Variants in CUX2 observed in about 807,000 individuals in gnomAD.
The protein encoded by CUX2 is homeobox protein cut-like 2.
A neutral mutation model predicts 144.8 loss-of-function variants in CUX2; 40 were observed. The ratio of observed to expected loss-of-function variants is 0.28; its 90% CI spans 0.21 to 0.36. The LOEUF is 0.36. Ranked by LOEUF, CUX2 falls within the 10% of genes least tolerant of loss-of-function variation. The pLI is 1.00. For missense variants in CUX2, 1,615 were observed against 1,994.0 expected (o/e 0.81, Z 3.62); for synonymous variants, 827 against 875.6 (o/e 0.94, Z 0.98).
In CUX2 at chr12:111,122,144, A is replaced by G. The variant is rs561650638; in HGVS notation, c.63+87904A>G. The stretch of plus-strand genomic sequence containing the variant: ...AAAAAGCCTTTCACGAGAACTCTTG[A>G]AAGCCTGATGCCTTTAATCCTCAAC... On this transcript the variant is annotated intron_variant, in intron 1 of 21. Transcript: ENST00000261726. Among the ~76,000 whole-genome samples, 2 of 152,294 alleles carry G rather than the reference A, an allele frequency of 1.3e-5. 1 individual carries two copies. The highest frequency in any genetic ancestry group is 4.2e-4 in the South Asian group (2 of 4,818).
rs576410068 is a variant in CUX2, at chr12:111,126,315, G to T, written c.64-87885G>T. On this transcript the variant is annotated intron_variant, in intron 1 of 21. Coordinates refer to ENST00000261726, the MANE Select transcript of CUX2 (RefSeq NM_015267.4). ...GTAGAGACGGGGTTTCACCATGTTG[G>T]CCAGTCTGGTCTCAAACTCCTGACC... 3.9e-5 allele frequency among the ~76,000 whole-genome samples: 6 copies of T among 152,156 alleles called. No individual in the cohort carries two copies. The South Asian group carries it at 1.2e-3, about 32-fold the overall frequency.
chr12:111,176,252 G>T (rs527828211), intron 1 of CUX2, among the ~76,000 whole-genome samples: 4 of 151,290 alleles, frequency 2.6e-5, no homozygotes, highest in East Asian at 1.9e-4. Context: ...TCACTATATT[G>T]CCCAGGCTGG....
intron 1 of CUX2, among the ~76,000 whole-genome samples, chr12:111,064,898 T>G (rs1052088230): frequency 6.6e-6 from 1 of 152,242 alleles, no homozygotes; most frequent in African/African-American, 2.4e-5. Flanking sequence ...CATACAGTAC[T>G]CAGTAAATAT....
chr12:111,268,349 C>T (rs1025170493), intron 4 of CUX2, among the ~76,000 whole-genome samples: 1 of 152,186 alleles, frequency 6.6e-6, no homozygotes, highest in Non-Finnish European at 1.5e-5. Flanking sequence ...CTCAGCCTCC[C>T]GAATGGCTGG....
chr12:111,253,361 C>T (rs1001681387), intron 3 of CUX2, among the ~76,000 whole-genome samples: 2 of 151,798 alleles, frequency 1.3e-5, no homozygotes, highest in African/African-American at 4.9e-5. Context: ...TCCCGCCACA[C>T]CAGCCTCTCT....
In CUX2 at chr12:111,257,557, C is replaced by T. The variant is rs569972491; in HGVS notation, c.223-6204C>T. Among the ~76,000 whole-genome samples the T allele has an allele frequency of 4.5e-4, 48 of 107,784 alleles. 1 individual carries two copies. The highest frequency in any genetic ancestry group is 1.7e-3 in the African/African-American group (47 of 27,004). 70.7% of individuals were successfully genotyped at this position (107,784 alleles called of 152,430 possible). ...CCTCTTTCCTCTTCCTCCTCCTCCC[C>T]TTCACTCTTCCTCCTCCTCCTCTTT... On this transcript the variant is annotated intron_variant, in intron 3 of 21. Coordinates refer to ENST00000261726, the MANE Select transcript of CUX2 (RefSeq NM_015267.4).
intron 2 of CUX2, among the ~76,000 whole-genome samples, chr12:111,217,567 A>T (rs1182756764): frequency 6.6e-6 from 1 of 152,326 alleles, no homozygotes; most frequent in African/African-American, 2.4e-5. Flanking sequence ...ATCTCACAAG[A>T]TATTTCGCAT....
At chr12:111,073,759 A>G (rs1424383083) in intron 1 of CUX2, among the ~76,000 whole-genome samples, 1 of 152,054 alleles carries the variant, frequency 6.6e-6, no homozygotes, top group East Asian at 1.9e-4. Context: ...CAGGAATTTG[A>G]AACCAGCCTG....
At chr12:111,098,533 G>A (rs1277311595) in intron 1 of CUX2, among the ~76,000 whole-genome samples, 2 of 152,224 alleles carry the variant, frequency 1.3e-5, no homozygotes, top group African/African-American at 2.4e-5. Flanking sequence ...CTGGAGGGAG[G>A]CCACTGAGGC....
At chr12:111,124,634 T>G (rs1384156403) in intron 1 of CUX2, among the ~76,000 whole-genome samples, 1 of 152,248 alleles carries the variant, frequency 6.6e-6, no homozygotes, top group African/African-American at 2.4e-5. Flanking sequence ...GTTCTTTTTT[T>G]CTTTTTCTTT....
rs1565926215 is a variant in CUX2 at position 111,330,718 on chromosome 12, T to TATATATATATATACATATAC, written c.2927-3710_2927-3709insCATATACATATATATATATA. 3.4e-3 allele frequency among the ~76,000 whole-genome samples: 148 copies of TATATATATATATACATATAC among 43,550 alleles called. 28 individuals carry two copies. The East Asian group carries it at 0.062, about 18-fold the overall frequency. 28.6% of individuals were successfully genotyped at this position (43,550 alleles called of 152,430 possible). On this transcript the variant is annotated intron_variant, in intron 18 of 21. Transcript: ENST00000261726. ...ATATATATATATATATATATATATA[T>TATATATATATATACATATAC]ATATATATATATATATATATATATA...
intron 1 of CUX2, among the ~76,000 whole-genome samples, chr12:111,136,121 G>A (rs1875869365): frequency 6.6e-6 from 1 of 152,044 alleles, no homozygotes; most frequent in South Asian, 2.1e-4. Context: ...GGCCACATGG[G>A]GAATAGGCCT....
intron 21 of CUX2, 78 bp from the exon 22 acceptor site, chr12:111,347,446 A>T: frequency 7.1e-7 from 1 of 1,405,962 alleles, no homozygotes; most frequent in Admixed American, 2.3e-5. Context: ...GTGGGACCAA[A>T]ATGCCATGTA....
chr12:111,328,171 A>C (rs2136419775), intron 18 of CUX2, among the ~76,000 whole-genome samples: 1 of 152,240 alleles, frequency 6.6e-6, no homozygotes, highest in Middle Eastern at 3.4e-3. Context: ...CTGCTTGTTC[A>C]TAACCCACTG....
intron 1 of CUX2, among the ~76,000 whole-genome samples, chr12:111,098,387 G>A (rs890791362): frequency 2.7e-5 from 4 of 149,778 alleles, no homozygotes; most frequent in African/African-American, 5.0e-5. Context: ...GCGACAGAGC[G>A]AGACTTCGTC....
intron 1 of CUX2, among the ~76,000 whole-genome samples, chr12:111,121,831 C>T (rs1170129301): frequency 6.6e-6 from 1 of 151,978 alleles, no homozygotes. Flanking sequence ...TTCTTGAATG[C>T]AGGGGCATTT....
Position 111,203,163 on chromosome 12 carries a change from C to T in CUX2, c.64-11037C>T, listed in dbSNP as rs535884757. 4.8e-4 allele frequency among the ~76,000 whole-genome samples: 68 copies of T among 141,404 alleles called. 1 individual carries two copies. The highest frequency in any genetic ancestry group is 4.1e-3 in the Middle Eastern group (1 of 244). 92.8% of individuals were successfully genotyped at this position (141,404 alleles called of 152,430 possible). A position where few individuals can be genotyped will look rare whatever the true frequency, so the allele number is the denominator to read the frequency against. On this transcript the variant is annotated intron_variant, in intron 1 of 21. Transcript: ENST00000261726. Reference sequence around the variant, plus strand: ...AGGAGAATCACTTGAACCCAGGAGGCGGAGGTTGAAGTGAGCCAAGATCAT... The same window carrying T: ...AGGAGAATCACTTGAACCCAGGAGGTGGAGGTTGAAGTGAGCCAAGATCAT...
chr12:111,294,841 T>C (rs1885885779), intron 6 of CUX2, among the ~76,000 whole-genome samples: 1 of 151,700 alleles, frequency 6.6e-6, no homozygotes, highest in African/African-American at 2.4e-5. Context: ...GAGGTTGCAG[T>C]GAGCCGAGTT....
chr12:111,301,195 T>G (rs1314858333), intron 9 of CUX2, among the ~76,000 whole-genome samples: 2 of 152,180 alleles, frequency 1.3e-5, no homozygotes, highest in African/African-American at 4.8e-5. Flanking sequence ...CTGTATTTAT[T>G]AATACTATTT....
Sources: allele counts gnomAD v4.1 joint callset (sites outside exome capture counted in the v4.1 genomes callset), GRCh38; gene constraint gnomAD v4.1.1; transcripts MANE v1.5; gene names NCBI Gene and HGNC (gene_info 2026-07-23, HGNC 2026-07-21).